Variants in CEP41 observed in about 807,000 individuals in gnomAD.
CEP41 encodes centrosomal protein of 41 kDa.
A neutral mutation model predicts 44.3 loss-of-function variants in CEP41; 32 were observed. The observed-to-expected ratio is 0.72, with a 90% confidence interval of 0.54 to 0.97. The LOEUF (loss-of-function observed/expected upper bound fraction) is 0.97. Ranked by LOEUF, CEP41 falls within the 50% of genes least tolerant of loss-of-function variation. CEP41 has a pLI of 0.00. For missense variants in CEP41, 432 were observed against 455.2 expected (o/e 0.95, Z 0.46); for synonymous variants, 151 against 168.5 (o/e 0.90, Z 0.80).
chr7:130,428,164 C>T (rs1456022811), intron 1 of CEP41, 146 bp from the exon 2 acceptor site: 2 of 672,578 alleles, frequency 3.0e-6, no homozygotes, highest in Non-Finnish European at 5.3e-6. Context: ...TGGCTCACGC[C>T]TGTAATCCTA....
At chr7:130,439,776 G>C (rs1187710894) in intron 1 of CEP41, among the ~76,000 whole-genome samples, 1 of 152,010 alleles carries the variant, frequency 6.6e-6, no homozygotes, top group Non-Finnish European at 1.5e-5. Context: ...GCAAGGCAGA[G>C]AAAGCCTGGA....
At chr7:130,429,849 C>T (rs1240432347) in intron 1 of CEP41, among the ~76,000 whole-genome samples, 3 of 152,210 alleles carry the variant, frequency 2.0e-5, no homozygotes, top group Non-Finnish European at 2.9e-5. Context: ...AAGGCAGGGA[C>T]AATGACTTAC....
At position 130,400,687 on chromosome 7, in the gene CEP41, C is replaced by T. The variant is rs782713798; in HGVS notation, c.757+20G>A. 1.4e-6 allele frequency: 2 copies of T among 1,478,040 alleles called. No individual in the cohort carries two copies. The highest frequency in any genetic ancestry group is 3.4e-5 in the Admixed American group (2 of 58,812). 91.6% of individuals were successfully genotyped at this position (1,478,040 alleles called of 1,614,324 possible). A position where few individuals can be genotyped will look rare whatever the true frequency, so the allele number is the denominator to read the frequency against. ...GATGATCAGCCTTTGAAGTCCCAAG[C>T]AGAGTATCACCTTGCTCACCTCCGG... On this transcript the variant is annotated intron_variant, in intron 9 of 10. Coordinates refer to ENST00000223208, the MANE Select transcript of CEP41 (RefSeq NM_018718.3).
chr7:130,424,823 T>G (rs1797614640), intron 2 of CEP41, among the ~76,000 whole-genome samples: 1 of 152,072 alleles, frequency 6.6e-6, no homozygotes, highest in Non-Finnish European at 1.5e-5. Flanking sequence ...AACAAAATAA[T>G]GATCCATAAA....
At chr7:130,437,617 A>G (rs1798005477) in intron 1 of CEP41, among the ~76,000 whole-genome samples, 1 of 151,766 alleles carries the variant, frequency 6.6e-6, no homozygotes, top group East Asian at 1.9e-4. Flanking sequence ...TAAAAAATAC[A>G]AAAAAATGAG....
chr7:130,428,139 T>A, intron 1 of CEP41, 121 bp from the exon 2 acceptor site: 1 of 734,608 alleles, frequency 1.4e-6, no homozygotes, highest in Non-Finnish European at 2.4e-6. Flanking sequence ...AAATTAAAGA[T>A]GGTGCCGGGC....
rs1268588354 is a variant in CEP41, at chr7:130,396,261, C to T, written c.*2630G>A. 2.2e-6 allele frequency: 1 copy of T among 454,090 alleles called. No homozygotes were observed. Among genetic ancestry groups the T allele is most frequent in the South Asian group, 1.6e-5 (1 of 64,470 alleles). 28.1% of individuals were successfully genotyped at this position (454,090 alleles called of 1,614,324 possible). ...CCCCAGACAAGGGCAGCTAGTCAAC[C>T]CCTGAGACGCTGGTAGGAAGCCATG... On this transcript the variant is annotated 3_prime_UTR_variant, in exon 11 of 11. Transcript: ENST00000223208.
chr7:130,437,133 C>G (rs141910802), intron 1 of CEP41, among the ~76,000 whole-genome samples: 2 of 151,876 alleles, frequency 1.3e-5, no homozygotes, highest in African/African-American at 4.8e-5. Context: ...CCAAAGGGAG[C>G]AGAAAGACAA....
intron 2 of CEP41, among the ~76,000 whole-genome samples, chr7:130,426,202 C>G (rs1391855041): frequency 6.6e-6 from 1 of 151,990 alleles, no homozygotes; most frequent in Admixed American, 6.6e-5. Context: ...ATATATGTAT[C>G]TACAATTATG....
Position 130,395,245 on chromosome 7 carries a change from G to T in CEP41, c.*3646C>A, listed in dbSNP as rs1479905944. The T allele has an allele frequency of 2.7e-5, 12 of 452,534 alleles. No individual in the cohort carries two copies. The East Asian group carries it at 7.6e-4, about 29-fold the overall frequency. 28.0% of individuals were successfully genotyped at this position (452,534 alleles called of 1,614,324 possible). On this transcript the variant is annotated 3_prime_UTR_variant, in exon 11 of 11. Transcript: ENST00000223208. Reference sequence around the variant, plus strand: ...TTTTGGAAGCACAATGTTATTTATTGCTTTTGCATGAAAAAATAATTGTTA... The same window carrying T: ...TTTTGGAAGCACAATGTTATTTATTTCTTTTGCATGAAAAAATAATTGTTA...
intron 5 of CEP41, among the ~76,000 whole-genome samples, chr7:130,409,688 T>A (rs1797115956): frequency 6.6e-6 from 1 of 152,220 alleles, no homozygotes. Context: ...CACACACTGA[T>A]TGCTGGGTAC....
At chr7:130,441,024 GCTTCCTACCCCCACAAC>G, upstream of CEP41, 1 of 1,576,246 alleles carries the variant, frequency 6.3e-7, no homozygotes, top group Non-Finnish European at 8.7e-7. Flanking sequence ...TCTAACCCTA[GCTTCCTACCCCCACAAC>G]CTTGTTCAGC....
chr7:130,433,955 T>C (rs1228071985), intron 1 of CEP41, among the ~76,000 whole-genome samples: 1 of 152,182 alleles, frequency 6.6e-6, no homozygotes, highest in Non-Finnish European at 1.5e-5. Flanking sequence ...GGGAGGAATG[T>C]CAAAGGAGAT....
intron 1 of CEP41, among the ~76,000 whole-genome samples, chr7:130,433,960 G>A (rs55660992): frequency 0.021 from 3,169 of 152,318 alleles, 37 homozygotes; most frequent in Non-Finnish European, 0.031. Flanking sequence ...GAATGTCAAA[G>A]GAGATTGTTC....
chr7:130,419,834 G>T (rs1797447550), intron 2 of CEP41: 7 of 985,146 alleles, frequency 7.1e-6, no homozygotes, highest in Non-Finnish European at 8.4e-6. Context: ...AGCAGGAAGT[G>T]ACCTTTCCCT....
In CEP41 at chr7:130,437,173, G is replaced by A. The variant is rs117763650; in HGVS notation, c.33+3761C>T. 7.6e-4 allele frequency among the ~76,000 whole-genome samples: 116 copies of A among 152,020 alleles called. 1 individual carries two copies. The East Asian group carries it at 0.021, about 28-fold the overall frequency. ...GAGGGAAACAGGAGATGAAAGTTACGAAAATCAGAGAACCAGTCATATAGG... is the reference window on the plus strand; with the variant it reads ...GAGGGAAACAGGAGATGAAAGTTACAAAAATCAGAGAACCAGTCATATAGG... On this transcript the variant is annotated intron_variant, in intron 1 of 10. Coordinates refer to ENST00000223208, the MANE Select transcript of CEP41 (RefSeq NM_018718.3).
rs1306814129 is a variant in CEP41 at position 130,394,650 on chromosome 7, G to A, written c.*4241C>T. 2 of 453,848 alleles carry A rather than the reference G, an allele frequency of 4.4e-6. No individual in the cohort carries two copies. Among genetic ancestry groups the A allele is most frequent in the East Asian group, 6.9e-5 (1 of 14,390 alleles). 28.1% of individuals were successfully genotyped at this position (453,848 alleles called of 1,614,324 possible). ...CCCACAAAGGCAGGATACACAAGGG[G>A]GACAGAAGATAACGAGCTTTCTGGG... On this transcript the variant is annotated 3_prime_UTR_variant, in exon 11 of 11. Coordinates refer to ENST00000223208, the MANE Select transcript of CEP41 (RefSeq NM_018718.3).
chr7:130,427,837 A>G, intron 2 of CEP41, 118 bp downstream of exon 2: 1 of 692,692 alleles, frequency 1.4e-6, no homozygotes, highest in South Asian at 1.7e-5. Context: ...CGAGAAAGAC[A>G]TCAGGCAAAA....
chr7:130,437,656 C>T (rs1288613296), intron 1 of CEP41, among the ~76,000 whole-genome samples: 1 of 150,438 alleles, frequency 6.6e-6, no homozygotes, highest in African/African-American at 2.4e-5. Flanking sequence ...ACCTGTGGTC[C>T]CAGCTACTCA....
Sources: gnomAD v4.1 joint callset for allele counts (sites outside exome capture counted in the v4.1 genomes callset) on GRCh38, gnomAD v4.1.1 for gene constraint, MANE v1.5 for transcripts, NCBI Gene and HGNC (gene_info 2026-07-23, HGNC 2026-07-21) for gene names.